Variants in USO1 observed in about 807,000 individuals in gnomAD.
USO1 encodes the protein USO1 vesicle transport factor.
Under a neutral mutation model 124.5 loss-of-function variants are expected in USO1, and 57 were observed. The ratio of observed to expected loss-of-function variants is 0.46; its 90% CI spans 0.37 to 0.57. The LOEUF is 0.57. Ranked by LOEUF, USO1 falls within the 20% of genes least tolerant of loss-of-function variation. The pLI is 0.00. For missense variants in USO1, 900 were observed against 1,040.6 expected, an observed-to-expected ratio of 0.86 and a Z score of 1.86; for synonymous variants, 369 against 362.8, an observed-to-expected ratio of 1.02 and a Z score of -0.19.
intron 9 of USO1, among the ~76,000 whole-genome samples, chr4:75,786,688 C>A (rs1055622559): frequency 6.6e-6 from 1 of 152,158 alleles, no homozygotes; most frequent in African/African-American, 2.4e-5. Flanking sequence ...TGTTTTCAGA[C>A]CTGCTCTCTT....
intron 1 of USO1, among the ~76,000 whole-genome samples, chr4:75,743,780 C>G (rs568379762): frequency 2.6e-5 from 4 of 151,986 alleles, no homozygotes; most frequent in Non-Finnish European, 5.9e-5. Context: ...ACATCACATA[C>G]AAGCCCTTTT....
chr4:75,759,194 T>A (rs1721524828), intron 4 of USO1, among the ~76,000 whole-genome samples: 1 of 149,822 alleles, frequency 6.7e-6, no homozygotes, highest in Admixed American at 6.7e-5. Context: ...TAATTTAGCA[T>A]CCAAAAATGA....
intron 19 of USO1, 101 bp downstream of exon 19, chr4:75,805,404 A>G: frequency 7.0e-7 from 1 of 1,420,036 alleles, no homozygotes; most frequent in South Asian, 1.6e-5. Flanking sequence ...AGAATATCAT[A>G]TGTTAAGATT....
At chr4:75,800,916 G>A (rs1472172275) in intron 16 of USO1, 117 bp downstream of exon 16, 15 of 1,442,840 alleles carry the variant, frequency 1.0e-5, no homozygotes, top group South Asian at 4.5e-5. Flanking sequence ...TTTCTTCCTA[G>A]CTCTTGATCT....
At chr4:75,788,851 C>A (rs189551317) in intron 10 of USO1, among the ~76,000 whole-genome samples, 55 of 151,158 alleles carry the variant, frequency 3.6e-4, no homozygotes, top group African/African-American at 1.3e-3. Context: ...TCTTAATTTT[C>A]TAAAAAAAAG....
rs376674144 is a variant in USO1, at chr4:75,766,022, A to G, written c.296-4417A>G. Among the ~76,000 whole-genome samples the G allele has an allele frequency of 7.7e-4, 117 of 152,310 alleles. 2 individuals are homozygous for G. In the East Asian group the frequency reaches 8.3e-3, roughly 11 times the overall value. On this transcript the variant is annotated intron_variant, in intron 4 of 23. Coordinates refer to ENST00000514213, the MANE Select transcript of USO1 (RefSeq NM_003715.4). Reference sequence around the variant, plus strand: ...CCTCTACCTGTTTTCCTGAAGTGGAAGTAGTGACTGCTTCCCGATATAATT... The same window carrying G: ...CCTCTACCTGTTTTCCTGAAGTGGAGGTAGTGACTGCTTCCCGATATAATT...
intron 4 of USO1, among the ~76,000 whole-genome samples, chr4:75,762,923 G>GT (rs1553899317): frequency 6.6e-6 from 1 of 152,140 alleles, no homozygotes; most frequent in Non-Finnish European, 1.5e-5. Context: ...GCGAGACTCC[G>GT]TCTCAAAACA....
intron 17 of USO1, 116 bp downstream of exon 17, chr4:75,801,316 A>G: frequency 1.6e-6 from 2 of 1,246,320 alleles, no homozygotes; most frequent in Non-Finnish European, 2.1e-6. Context: ...AAAACCCATC[A>G]TTTTTCAAAG....
chr4:75,755,472 TCAAA>T (rs757800290), intron 3 of USO1: 2 of 519,936 alleles, frequency 3.8e-6, no homozygotes, highest in East Asian at 5.4e-5. Flanking sequence ...TTCATGTTTC[TCAAA>T]CAAAGCTAAA....
At chr4:75,725,397 T>C (rs954935899) in intron 1 of USO1, among the ~76,000 whole-genome samples, 9 of 152,174 alleles carry the variant, frequency 5.9e-5, no homozygotes, top group Non-Finnish European at 1.2e-4. Context: ...ACGATATTCT[T>C]TGAAGGACAA....
intron 1 of USO1, among the ~76,000 whole-genome samples, chr4:75,750,705 G>T (rs1038896203): frequency 3.0e-4 from 40 of 132,392 alleles, no homozygotes; most frequent in African/African-American, 8.5e-4. Context: ...GGATGGTCTC[G>T]ATCTCTTGAC....
rs553663672 is a variant in USO1 at position 75,800,481 on chromosome 4, G to A, written c.1682+12G>A. 1.3e-6 allele frequency: 2 copies of A among 1,570,960 alleles called. No homozygotes were observed. The highest frequency in any genetic ancestry group is 4.6e-5 in the East Asian group (2 of 43,808). Reference sequence around the variant, plus strand: ...GAGAGCTACATGAAGTAAGTAAGGGGAAGATGGTTTTCTAATGGCATCAAG... The same window carrying A: ...GAGAGCTACATGAAGTAAGTAAGGGAAAGATGGTTTTCTAATGGCATCAAG... On this transcript the variant is annotated intron_variant, in intron 15 of 23. Coordinates refer to ENST00000514213, the MANE Select transcript of USO1 (RefSeq NM_003715.4).
At position 75,724,672 on chromosome 4, in the gene USO1, G is replaced by A; in HGVS notation, c.-148G>A. 2 of 733,916 alleles carry A rather than the reference G, an allele frequency of 2.7e-6. No homozygotes were observed. The highest frequency in any genetic ancestry group is 4.5e-6 in the Non-Finnish European group (2 of 447,244). 45.5% of individuals were successfully genotyped at this position (733,916 alleles called of 1,614,324 possible). On this transcript the variant is annotated 5_prime_UTR_variant, in exon 1 of 24. Coordinates refer to ENST00000514213, the MANE Select transcript of USO1 (RefSeq NM_003715.4). The stretch of plus-strand genomic sequence containing the variant: ...TGGCGGCTGTTTCCGGGCTTAGAGG[G>A]CTGGAGTGGCCGCCGAGTTGGAGGC...
intron 1 of USO1, among the ~76,000 whole-genome samples, chr4:75,726,022 C>T (rs1720433804): frequency 6.6e-6 from 1 of 152,092 alleles, no homozygotes; most frequent in Non-Finnish European, 1.5e-5. Context: ...TGGCTCACGC[C>T]TCTAATCCCA....
chr4:75,744,177 T>TA (rs1169435614), intron 1 of USO1, among the ~76,000 whole-genome samples: 5 of 152,206 alleles, frequency 3.3e-5, no homozygotes, highest in African/African-American at 1.2e-4. Context: ...TAGTTTATTA[T>TA]AAACCACTGC....
Position 75,787,345 on chromosome 4 carries a change from T to C in USO1, c.996+143T>C, listed in dbSNP as rs556654139. On this transcript the variant is annotated intron_variant, in intron 10 of 23. Coordinates refer to ENST00000514213, the MANE Select transcript of USO1 (RefSeq NM_003715.4). ...TTTAATGATCTTACTAAAATATAAT[T>C]CACATAATGATAAAAGTATTGATTC... 14 of 1,145,796 alleles carry C rather than the reference T, an allele frequency of 1.2e-5. No homozygotes were observed. In the East Asian group the frequency reaches 2.2e-4, roughly 18 times the overall value. 71.0% of individuals were successfully genotyped at this position (1,145,796 alleles called of 1,614,324 possible).
intron 1 of USO1, among the ~76,000 whole-genome samples, chr4:75,728,913 C>T (rs558241462): frequency 1.3e-5 from 2 of 152,118 alleles, no homozygotes; most frequent in African/African-American, 4.8e-5. Flanking sequence ...ATTCTTCTGC[C>T]TCAGCCTCCC....
At chr4:75,728,907 T>G (rs1224782611) in intron 1 of USO1, among the ~76,000 whole-genome samples, 2 of 151,956 alleles carry the variant, frequency 1.3e-5, no homozygotes, top group Non-Finnish European at 2.9e-5. Flanking sequence ...CACGCCATTC[T>G]TCTGCCTCAG....
chr4:75,749,501 A>G (rs1721237027), intron 1 of USO1, among the ~76,000 whole-genome samples: 1 of 150,554 alleles, frequency 6.6e-6, no homozygotes, highest in Non-Finnish European at 1.5e-5. Flanking sequence ...TTCTGAGTTC[A>G]AGTGATCCAC....
Sources: allele counts gnomAD v4.1 joint callset (sites outside exome capture counted in the v4.1 genomes callset), GRCh38; gene constraint gnomAD v4.1.1; transcripts MANE v1.5; gene names NCBI Gene and HGNC (gene_info 2026-07-23, HGNC 2026-07-21).